The following ALK variants were observed in gnomAD, a reference collection of about 807,000 sequenced individuals.
ALK encodes ALK tyrosine kinase receptor.
ALK carries 74 observed loss-of-function variants against 163.1 expected under a neutral mutation model. The observed-to-expected ratio is 0.45, with a 90% CI of 0.38 to 0.55. ALK has a LOEUF of 0.55. Among genes scored for constraint, ALK ranks in the 20% least tolerant of loss-of-function variants. ALK has a pLI of 0.00. For missense variants in ALK, 2,063 were observed against 2,105.3 expected, an observed-to-expected ratio of 0.98 and a Z score of 0.39; for synonymous variants, 960 against 843.2, an observed-to-expected ratio of 1.14 and a Z score of -2.40.
intron 1 of ALK, among the ~76,000 whole-genome samples, chr2:29,734,257 G>A (rs574613044): frequency 4.0e-4 from 61 of 152,254 alleles, no homozygotes; most frequent in Middle Eastern, 3.4e-3. Context: ...AAGAAAAGGT[G>A]CTGCAGACCA....
chr2:29,715,746 C>T (rs543847888), intron 2 of ALK, among the ~76,000 whole-genome samples: 6 of 152,156 alleles, frequency 3.9e-5, no homozygotes, highest in Non-Finnish European at 5.9e-5. Flanking sequence ...AATCTGGTTA[C>T]AAAGCATTAA....
intron 8 of ALK, among the ~76,000 whole-genome samples, chr2:29,312,023 T>G (rs1005799950): frequency 6.6e-6 from 1 of 151,700 alleles, no homozygotes; most frequent in African/African-American, 2.4e-5. Context: ...AGCATAAACT[T>G]CCTCTGACTC....
At chr2:29,194,470 A>T (rs999348251) in intron 28 of ALK, among the ~76,000 whole-genome samples, 1 of 152,066 alleles carries the variant, frequency 6.6e-6, no homozygotes, top group Non-Finnish European at 1.5e-5. Flanking sequence ...CCTGTGCCAC[A>T]TCATCACATG....
At chr2:29,616,322 TAA>T (rs1204762957) in intron 3 of ALK, among the ~76,000 whole-genome samples, 4 of 151,982 alleles carry the variant, frequency 2.6e-5, no homozygotes, top group Non-Finnish European at 5.9e-5. Context: ...CAGCAGTGAA[TAA>T]AGAGAGGGGA....
chr2:29,243,134 C>T (rs1328128623), intron 12 of ALK, among the ~76,000 whole-genome samples: 2 of 152,192 alleles, frequency 1.3e-5, no homozygotes, highest in Non-Finnish European at 2.9e-5. Flanking sequence ...TGCAGACAGA[C>T]CTGGATCCAG....
chr2:29,242,671 G>A (rs1015413540), intron 12 of ALK, among the ~76,000 whole-genome samples: 4 of 152,110 alleles, frequency 2.6e-5, no homozygotes, highest in East Asian at 1.9e-4. Context: ...AGGCAACATG[G>A]TCAATTTCTC....
intron 3 of ALK, among the ~76,000 whole-genome samples, chr2:29,655,665 G>C (rs1043007168): frequency 2.0e-5 from 3 of 152,140 alleles, no homozygotes; most frequent in Non-Finnish European, 4.4e-5. Flanking sequence ...GGAGTTGTAA[G>C]GTCTCAGCTC....
At chr2:29,283,486 C>G (rs897960128) in intron 9 of ALK, among the ~76,000 whole-genome samples, 1 of 152,046 alleles carries the variant, frequency 6.6e-6, no homozygotes, top group Non-Finnish European at 1.5e-5. Flanking sequence ...GACATGGTAC[C>G]GAGATGGCAG....
chr2:29,850,059 C>A (rs1665950059), intron 1 of ALK, among the ~76,000 whole-genome samples: 1 of 152,200 alleles, frequency 6.6e-6, no homozygotes, highest in Non-Finnish European at 1.5e-5. Context: ...TAGCCCCAAA[C>A]TGCAAACTAC....
At chr2:29,354,413 C>T (rs1468902792) in intron 5 of ALK, among the ~76,000 whole-genome samples, 1 of 152,156 alleles carries the variant, frequency 6.6e-6, no homozygotes, top group Non-Finnish European at 1.5e-5. Flanking sequence ...TGGGATAGTG[C>T]TGGGTGTCTG....
intron 1 of ALK, among the ~76,000 whole-genome samples, chr2:29,849,908 T>G (rs1034844505): frequency 1.3e-4 from 20 of 151,782 alleles, no homozygotes; most frequent in African/African-American, 3.4e-4. Flanking sequence ...TTTAGTATTC[T>G]TTTTTTATTT....
intron 8 of ALK, among the ~76,000 whole-genome samples, chr2:29,300,886 A>G (rs1219725882): frequency 6.6e-6 from 1 of 152,214 alleles, no homozygotes; most frequent in Non-Finnish European, 1.5e-5. Context: ...CTCTCATTTC[A>G]GGCTTTCCAT....
At chr2:29,529,702 C>T (rs1558369211) in intron 4 of ALK, among the ~76,000 whole-genome samples, 3 of 152,270 alleles carry the variant, frequency 2.0e-5, no homozygotes, top group Non-Finnish European at 1.5e-5. Context: ...CTGCTGCCAC[C>T]TTCTACCCTC....
At chr2:29,838,915 TTTAAA>T (rs1281501796) in intron 1 of ALK, among the ~76,000 whole-genome samples, 2 of 152,214 alleles carry the variant, frequency 1.3e-5, no homozygotes, top group African/African-American at 2.4e-5. Flanking sequence ...ATATAAATTA[TTTAAA>T]TTATTTTTGA....
In ALK at chr2:29,583,566, T is replaced by C. The variant is rs143248478; in HGVS notation, c.953-51450A>G. Among the ~76,000 whole-genome samples the C allele has an allele frequency of 8.9e-4, 135 of 152,168 alleles. 1 individual carries two copies. The East Asian group carries it at 0.024, about 27-fold the overall frequency. On this transcript the variant is annotated intron_variant, in intron 3 of 28. Transcript: ENST00000389048. ...GATCTCAGTTTCTGGACTTTTAATATCAAGATAAACATGCTCCATCTGTTC... is the reference window on the plus strand; with the variant it reads ...GATCTCAGTTTCTGGACTTTTAATACCAAGATAAACATGCTCCATCTGTTC...
intron 5 of ALK, among the ~76,000 whole-genome samples, chr2:29,372,312 G>A (rs1281308020): frequency 6.6e-6 from 1 of 152,196 alleles, no homozygotes; most frequent in Non-Finnish European, 1.5e-5. Flanking sequence ...ACAGGGTAAG[G>A]TGCTGAGAGC....
chr2:29,264,839 C>T lies in ALK; in HGVS notation c.2041+10260G>A, dbSNP rs538644623. ...GAGTGGTTTTGTTAGTGTAAGTGGACGTTTGCTGAAAGCCATTTTGTTTTG... is the reference window on the plus strand; with the variant it reads ...GAGTGGTTTTGTTAGTGTAAGTGGATGTTTGCTGAAAGCCATTTTGTTTTG... On this transcript the variant is annotated intron_variant, in intron 11 of 28. Coordinates refer to ENST00000389048, the MANE Select transcript of ALK (RefSeq NM_004304.5). Among the ~76,000 whole-genome samples the T allele has an allele frequency of 4.6e-5, 7 of 152,202 alleles. No individual in the cohort carries two copies. In the South Asian group the frequency reaches 1.0e-3, roughly 23 times the overall value.
intron 4 of ALK, among the ~76,000 whole-genome samples, chr2:29,516,377 A>C (rs983616529): frequency 6.6e-6 from 1 of 152,200 alleles, no homozygotes; most frequent in Non-Finnish European, 1.5e-5. Flanking sequence ...ATATGTGGTG[A>C]GGCTTTGCCT....
intron 1 of ALK, among the ~76,000 whole-genome samples, chr2:29,841,910 C>T (rs1372830550): frequency 6.6e-6 from 1 of 152,120 alleles, no homozygotes; most frequent in Non-Finnish European, 1.5e-5. Flanking sequence ...CCACTCTTAC[C>T]CCAGCCATGG....
Sources: gnomAD v4.1 joint callset for allele counts (sites outside exome capture counted in the v4.1 genomes callset) on GRCh38, gnomAD v4.1.1 for gene constraint, MANE v1.5 for transcripts, NCBI Gene and HGNC (gene_info 2026-07-23, HGNC 2026-07-21) for gene names.